The following DCDC1 variants were observed in gnomAD, a reference collection of about 807,000 sequenced individuals.
The protein encoded by DCDC1 is doublecortin domain-containing protein 1.
A neutral mutation model predicts 178.3 loss-of-function variants in DCDC1; 200 were observed. That is an observed-to-expected ratio of 1.12 (90% CI 1.00 to 1.26). The LOEUF (loss-of-function observed/expected upper bound fraction) is 1.26. DCDC1 is among the 50% of genes most tolerant of loss of function. The pLI is 0.00. For synonymous variants in DCDC1, 690 were observed against 604.8 expected, an observed-to-expected ratio of 1.14 and a Z score of -2.07; for missense variants, 1,983 against 1,749.2, an observed-to-expected ratio of 1.13 and a Z score of -2.38.
intron 38 of DCDC1, among the ~76,000 whole-genome samples, chr11:30,868,606 G>A (rs1267970735): frequency 3.3e-5 from 5 of 152,024 alleles, no homozygotes; most frequent in Admixed American, 6.6e-5. Context: ...CAGCACCCAG[G>A]AGCTCCTGAA....
intron 20 of DCDC1, among the ~76,000 whole-genome samples, chr11:30,955,115 G>A (rs1183931202): frequency 1.3e-5 from 2 of 152,076 alleles, no homozygotes; most frequent in African/African-American, 2.4e-5. Context: ...TTTGGAATAC[G>A]TGGTCTACCT....
intron 36 of DCDC1, chr11:30,882,363 A>C (rs530376009): frequency 1.3e-5 from 2 of 152,340 alleles, no homozygotes; most frequent in East Asian, 3.9e-4. Flanking sequence ...AAATTATCCA[A>C]AAATATATTC....
intron 3 of DCDC1, chr11:31,314,589 T>A (rs906003250): frequency 2.0e-5 from 3 of 152,234 alleles, no homozygotes; most frequent in African/African-American, 7.2e-5. Context: ...TCATTCAGGT[T>A]GGTGCCAGAA....
chr11:30,984,949 C>T (rs980928422), intron 20 of DCDC1, among the ~76,000 whole-genome samples: 15 of 152,144 alleles, frequency 9.9e-5, no homozygotes, highest in African/African-American at 3.1e-4. Flanking sequence ...GAGTCCAGGG[C>T]GGTTGGTGAG....
intron 21 of DCDC1, chr11:30,944,117 C>T: frequency 3.1e-6 from 1 of 318,100 alleles, no homozygotes; most frequent in South Asian, 2.8e-5. Context: ...TTCACAGTGA[C>T]TATATGACTA....
At chr11:31,302,900 T>C (rs1284467584) in intron 6 of DCDC1, among the ~76,000 whole-genome samples, 1 of 152,228 alleles carries the variant, frequency 6.6e-6, no homozygotes, top group Non-Finnish European at 1.5e-5. Context: ...GAAGTATAGA[T>C]ATATAATTGC....
At chr11:30,987,122 T>C (rs1950699282) in intron 20 of DCDC1, among the ~76,000 whole-genome samples, 1 of 152,150 alleles carries the variant, frequency 6.6e-6, no homozygotes, top group South Asian at 2.1e-4. Flanking sequence ...GTTCAGGCGA[T>C]TCTCCTGCCT....
intron 3 of DCDC1, chr11:31,314,438 T>A (rs1191372861): frequency 6.6e-6 from 1 of 152,154 alleles, no homozygotes; most frequent in African/African-American, 2.4e-5. Context: ...AAATAACATC[T>A]ATTTATGAGC....
At chr11:30,899,099 CTCAT>C (rs1047065933) in intron 34 of DCDC1, among the ~76,000 whole-genome samples, 4 of 151,456 alleles carry the variant, frequency 2.6e-5, no homozygotes, top group Non-Finnish European at 5.9e-5. Flanking sequence ...TTAGTACTTC[CTCAT>C]TCAGATTACT....
intron 21 of DCDC1, among the ~76,000 whole-genome samples, chr11:30,935,428 C>T (rs1378012533): frequency 1.1e-4 from 17 of 152,210 alleles, no homozygotes; most frequent in Admixed American, 1.0e-3. Flanking sequence ...ACATTAATTA[C>T]TAACCTGATT....
At chr11:30,963,837 C>A (rs1949263067) in intron 20 of DCDC1, among the ~76,000 whole-genome samples, 1 of 152,096 alleles carries the variant, frequency 6.6e-6, no homozygotes, top group Non-Finnish European at 1.5e-5. Flanking sequence ...TGGCCCCAGT[C>A]TTTTACATTT....
chr11:30,969,184 G>A (rs932954152), intron 20 of DCDC1, among the ~76,000 whole-genome samples: 2 of 152,092 alleles, frequency 1.3e-5, no homozygotes, highest in African/African-American at 4.8e-5. Flanking sequence ...TTACTTTAGA[G>A]GCAAAATTAA....
intron 7 of DCDC1, among the ~76,000 whole-genome samples, chr11:31,277,175 T>C (rs1946055341): frequency 6.6e-6 from 1 of 152,242 alleles, no homozygotes; most frequent in East Asian, 1.9e-4. Flanking sequence ...ATCTGGTTTT[T>C]TTCACTAGAG....
intron 1 of DCDC1, among the ~76,000 whole-genome samples, chr11:31,342,741 T>C (rs977378139): frequency 6.6e-6 from 1 of 152,134 alleles, no homozygotes; most frequent in Admixed American, 6.5e-5. Context: ...AAGTATATGA[T>C]TAAAGAGTAA....
chr11:31,084,782 C>CCT (rs1386843663), intron 17 of DCDC1, among the ~76,000 whole-genome samples: 1 of 151,776 alleles, frequency 6.6e-6, no homozygotes, highest in Non-Finnish European at 1.5e-5. Flanking sequence ...CAAGCTTTCT[C>CCT]CTCTATAGGT....
intron 9 of DCDC1, among the ~76,000 whole-genome samples, chr11:31,216,439 A>T (rs1441561128): frequency 6.6e-6 from 1 of 152,114 alleles, no homozygotes; most frequent in Non-Finnish European, 1.5e-5. Context: ...CAGAACTTTG[A>T]CTTGTTCAGC....
At chr11:31,229,619 G>C (rs1274242240) in intron 9 of DCDC1, among the ~76,000 whole-genome samples, 2 of 151,892 alleles carry the variant, frequency 1.3e-5, no homozygotes, top group African/African-American at 4.8e-5. Flanking sequence ...CAGTCCCCAG[G>C]AAACAAAAAG....
chr11:31,244,105 T>C (rs549475826), intron 8 of DCDC1, among the ~76,000 whole-genome samples: 64 of 151,900 alleles, frequency 4.2e-4, no homozygotes, highest in African/African-American at 1.5e-3. Flanking sequence ...TTAAAAATGA[T>C]GTATAAATCA....
intron 20 of DCDC1, among the ~76,000 whole-genome samples, chr11:30,981,428 C>T (rs1257367394): frequency 6.6e-6 from 1 of 152,144 alleles, no homozygotes; most frequent in South Asian, 2.1e-4. Flanking sequence ...GCATCTGGCT[C>T]ACAGTCAGCA....
Sources: allele counts gnomAD v4.1 joint callset (sites outside exome capture counted in the v4.1 genomes callset), GRCh38; gene constraint gnomAD v4.1.1; transcripts MANE v1.5; gene names NCBI Gene and HGNC (gene_info 2026-07-23, HGNC 2026-07-21).